CCSER1: variants seen among roughly 807,000 people sequenced by gnomAD.
CCSER1 encodes coiled-coil serine rich protein 1, also known as serine-rich coiled-coil domain-containing protein 1.
Under a neutral mutation model 82.0 loss-of-function variants are expected in CCSER1, and 41 were observed. The observed-to-expected ratio is 0.50, with a 90% confidence interval of 0.39 to 0.65. The LOEUF (loss-of-function observed/expected upper bound fraction) is 0.65. Among genes scored for constraint, CCSER1 ranks in the 30% least tolerant of loss-of-function variants. The probability of loss-of-function intolerance (pLI) is 0.00; values close to 1 mark genes in which losing one functional copy is unlikely to be tolerated. For missense variants in CCSER1, 1,119 were observed against 1,064.2 expected (o/e 1.05, Z -0.72); for synonymous variants, 414 against 383.9 (o/e 1.08, Z -0.92).
At chr4:91,041,006 T>C (rs922506780) in intron 9 of CCSER1, among the ~76,000 whole-genome samples, 4 of 152,190 alleles carry the variant, frequency 2.6e-5, no homozygotes, top group Admixed American at 2.0e-4. Flanking sequence ...ATTTTTAGCA[T>C]CTTTTACAGG....
intron 1 of CCSER1, among the ~76,000 whole-genome samples, chr4:90,230,422 A>G (rs1167344824): frequency 4.0e-5 from 6 of 151,686 alleles, no homozygotes; most frequent in Non-Finnish European, 7.4e-5. Context: ...TTTGAAACCA[A>G]CGAGAACAAA....
intron 1 of CCSER1, among the ~76,000 whole-genome samples, chr4:90,291,253 G>C (rs1233857478): frequency 6.6e-6 from 1 of 151,914 alleles, no homozygotes; most frequent in Non-Finnish European, 1.5e-5. Context: ...GCTACTATTT[G>C]CATGTTTCTG....
At chr4:90,558,186 C>T (rs910565171) in intron 5 of CCSER1, among the ~76,000 whole-genome samples, 1 of 152,222 alleles carries the variant, frequency 6.6e-6, no homozygotes, top group African/African-American at 2.4e-5. Flanking sequence ...GTAGTTGCTA[C>T]TACATGGTAG....
At chr4:91,252,205 T>C (rs1740309184) in intron 10 of CCSER1, among the ~76,000 whole-genome samples, 1 of 152,080 alleles carries the variant, frequency 6.6e-6, no homozygotes, top group African/African-American at 2.4e-5. Flanking sequence ...AAAAAAATTG[T>C]TGTCAACAAA....
intron 3 of CCSER1, chr4:90,370,492 A>C (rs1182907865): frequency 2.0e-5 from 3 of 152,044 alleles, no homozygotes; most frequent in East Asian, 3.8e-4. Flanking sequence ...ATGGATTCAC[A>C]TGTTTCATAT....
intron 10 of CCSER1, among the ~76,000 whole-genome samples, chr4:91,184,114 A>G (rs1009567087): frequency 5.3e-5 from 8 of 152,220 alleles, no homozygotes; most frequent in Non-Finnish European, 8.8e-5. Flanking sequence ...GCAAGTGATC[A>G]TAACATTGGA....
At chr4:91,544,622 C>T (rs1173782040) in intron 10 of CCSER1, among the ~76,000 whole-genome samples, 1 of 152,190 alleles carries the variant, frequency 6.6e-6, no homozygotes, top group African/African-American at 2.4e-5. Context: ...GGCTGCAGAA[C>T]AGCAAATATT....
intron 10 of CCSER1, among the ~76,000 whole-genome samples, chr4:91,467,796 A>T (rs1335458010): frequency 3.3e-5 from 5 of 152,216 alleles, no homozygotes; most frequent in Non-Finnish European, 7.3e-5. Flanking sequence ...TCAAAACCAC[A>T]ATGAGATACC....
chr4:90,946,619 C>T (rs1298685729), intron 9 of CCSER1, among the ~76,000 whole-genome samples: 2 of 80,414 alleles, frequency 2.5e-5, no homozygotes, highest in Non-Finnish European at 4.9e-5. Context: ...GGCAAGACTG[C>T]ACCTCAAAAA....
chr4:91,437,467 A>G (rs984395297), intron 10 of CCSER1, among the ~76,000 whole-genome samples: 3 of 152,098 alleles, frequency 2.0e-5, no homozygotes, highest in African/African-American at 7.2e-5. Flanking sequence ...ACGATCTCAG[A>G]ATGGATGTTT....
At chr4:90,480,830 CT>C (rs1251704859) in intron 5 of CCSER1, among the ~76,000 whole-genome samples, 1 of 152,116 alleles carries the variant, frequency 6.6e-6, no homozygotes, top group Non-Finnish European at 1.5e-5. Flanking sequence ...CAGCTTTGTT[CT>C]TTTGGCTTAG....
intron 9 of CCSER1, among the ~76,000 whole-genome samples, chr4:90,956,365 C>T (rs1041419930): frequency 5.9e-5 from 9 of 152,008 alleles, no homozygotes; most frequent in African/African-American, 2.2e-4. Context: ...GGCAGGATAG[C>T]TAAGGCATAG....
At chr4:90,691,374 A>T (rs1735797017) in intron 6 of CCSER1, among the ~76,000 whole-genome samples, 1 of 151,764 alleles carries the variant, frequency 6.6e-6, no homozygotes, top group Admixed American at 6.6e-5. Context: ...AAACCACCTT[A>T]AAAAAACTCA....
chr4:91,376,918 G>A (rs1441408070), intron 10 of CCSER1, among the ~76,000 whole-genome samples: 1 of 50,186 alleles, frequency 2.0e-5, no homozygotes, highest in Admixed American at 2.3e-4. Context: ...ACCCAGGACA[G>A]GCCCCAGTGT....
At chr4:90,863,428 C>T (rs996091779) in intron 8 of CCSER1, among the ~76,000 whole-genome samples, 5 of 151,808 alleles carry the variant, frequency 3.3e-5, no homozygotes, top group Non-Finnish European at 7.4e-5. Flanking sequence ...CTTTTTCAGT[C>T]AGATGATAGA....
chr4:91,201,512 G>A lies in CCSER1; in HGVS notation c.2217+115518G>A, dbSNP rs566658217. Among the ~76,000 whole-genome samples, 14 of 152,134 alleles carry A rather than the reference G, an allele frequency of 9.2e-5. No individual in the cohort carries two copies. The South Asian group carries it at 2.7e-3, about 29-fold the overall frequency. On this transcript the variant is annotated intron_variant, in intron 10 of 10. Transcript: ENST00000509176. ...ATGAATTAAATGAACATTTATACAGGTCTTAAATTCAGGTTTAAATTTACA... is the reference window on the plus strand; with the variant it reads ...ATGAATTAAATGAACATTTATACAGATCTTAAATTCAGGTTTAAATTTACA...
intron 10 of CCSER1, among the ~76,000 whole-genome samples, chr4:91,294,413 AAAT>A (rs1744003037): frequency 1.3e-5 from 2 of 151,794 alleles, no homozygotes; most frequent in Non-Finnish European, 2.9e-5. Context: ...TCCCATTTTA[AAAT>A]AATATGTCGA....
At chr4:90,769,800 G>A (rs973846293) in intron 7 of CCSER1, among the ~76,000 whole-genome samples, 5 of 152,228 alleles carry the variant, frequency 3.3e-5, no homozygotes, top group Admixed American at 2.0e-4. Context: ...AACTTTTGAC[G>A]TTGGTGGAAG....
intron 10 of CCSER1, among the ~76,000 whole-genome samples, chr4:91,512,579 A>T (rs1759884194): frequency 6.6e-6 from 1 of 152,166 alleles, no homozygotes; most frequent in Non-Finnish European, 1.5e-5. Flanking sequence ...TGATCATATG[A>T]GTCAATTAAC....
Sources: allele counts gnomAD v4.1 joint callset (sites outside exome capture counted in the v4.1 genomes callset), GRCh38; gene constraint gnomAD v4.1.1; transcripts MANE v1.5; gene names NCBI Gene and HGNC (gene_info 2026-07-23, HGNC 2026-07-21).